DLG2: variants seen among roughly 807,000 people sequenced by gnomAD.
DLG2 encodes the protein disks large homolog 2.
DLG2 carries 45 observed loss-of-function variants against 132.5 expected under a neutral mutation model. The ratio of observed to expected loss-of-function variants is 0.34; its 90% CI spans 0.27 to 0.44. The LOEUF (loss-of-function observed/expected upper bound fraction) is 0.44, where lower values mean the gene tolerates loss of function less well. Among genes scored for constraint, DLG2 ranks in the 20% least tolerant of loss-of-function variants. DLG2 has a pLI of 1.00. For missense variants in DLG2, 1,045 were observed against 1,196.9 expected (o/e 0.87, Z 1.87); for synonymous variants, 424 against 419.6 (o/e 1.01, Z -0.13).
intron 16 of DLG2, among the ~76,000 whole-genome samples, chr11:83,873,785 T>C (rs2063962034): frequency 6.6e-6 from 1 of 152,128 alleles, no homozygotes; most frequent in African/African-American, 2.4e-5. Context: ...TATGCTTCAG[T>C]CCTCAGCTCA....
intron 3 of DLG2, among the ~76,000 whole-genome samples, chr11:85,462,424 G>A (rs991826439): frequency 3.9e-5 from 6 of 152,160 alleles, no homozygotes; most frequent in African/African-American, 1.4e-4. Context: ...ATGATAGACT[G>A]GATTAAGACA....
intron 6 of DLG2, among the ~76,000 whole-genome samples, chr11:84,996,858 C>G (rs901477256): frequency 6.6e-5 from 10 of 152,114 alleles, no homozygotes; most frequent in African/African-American, 2.4e-4. Context: ...TACATCAGAG[C>G]GTCTTGCAGC....
intron 10 of DLG2, among the ~76,000 whole-genome samples, chr11:84,097,593 G>A (rs532718105): frequency 6.6e-6 from 1 of 152,162 alleles, no homozygotes; most frequent in South Asian, 2.1e-4. Context: ...CTTCCTTACA[G>A]TCATTAACAA....
At chr11:83,483,186 C>T (rs988728217) in intron 22 of DLG2, 1 of 1,431,802 alleles carries the variant, frequency 7.0e-7, no homozygotes, top group Non-Finnish European at 9.8e-7. Flanking sequence ...GGAAAAGGAA[C>T]AAAAGCCAAA....
Position 83,906,232 on chromosome 11 carries a change from G to GTCTCTCTCTCTCTC in DLG2, c.1496+24082_1496+24095dup, listed in dbSNP as rs144862801. 4.7e-4 allele frequency among the ~76,000 whole-genome samples: 34 copies of GTCTCTCTCTCTCTC among 71,670 alleles called. 1 individual carries two copies. Among genetic ancestry groups the GTCTCTCTCTCTCTC allele is most frequent in the East Asian group, 2.2e-3 (6 of 2,734 alleles). The allele number at this position is 71,670 out of a possible 152,430, so 47.0% of individuals were successfully genotyped here. A position where few individuals can be genotyped will look rare whatever the true frequency, so the allele number is the denominator to read the frequency against. ...TAACTGGAAGATTGCTATAGTAGAT[G>GTCTCTCTCTCTCTC]TCTCTCTCTCTCTCTCTCTCTCTCT... On this transcript the variant is annotated intron_variant, in intron 15 of 27. Coordinates refer to ENST00000376104, the MANE Select transcript of DLG2 (RefSeq NM_001142699.3).
chr11:83,938,404 A>C (rs1336966917), intron 14 of DLG2, among the ~76,000 whole-genome samples: 1 of 152,142 alleles, frequency 6.6e-6, no homozygotes, highest in African/African-American at 2.4e-5. Context: ...AAAGGGGTGA[A>C]AGAGGGCTTT....
intron 6 of DLG2, among the ~76,000 whole-genome samples, chr11:85,033,853 T>C (rs1164299117): frequency 6.6e-6 from 1 of 152,238 alleles, no homozygotes; most frequent in African/African-American, 2.4e-5. Flanking sequence ...TGGAATATTA[T>C]GATCTATTTT....
chr11:85,591,862 C>A (rs1432797260), intron 3 of DLG2, among the ~76,000 whole-genome samples: 1 of 152,174 alleles, frequency 6.6e-6, no homozygotes, highest in African/African-American at 2.4e-5. Context: ...ATGCTTGTCT[C>A]CCCAGTGTGT....
intron 3 of DLG2, among the ~76,000 whole-genome samples, chr11:85,588,866 T>C (rs1372067149): frequency 6.6e-6 from 1 of 152,160 alleles, no homozygotes; most frequent in African/African-American, 2.4e-5. Context: ...GGGTGGTCCC[T>C]TGATGTGGTA....
intron 8 of DLG2, 126 bp downstream of exon 8, chr11:84,251,112 C>G: frequency 3.7e-6 from 2 of 534,406 alleles, no homozygotes; most frequent in Admixed American, 8.5e-5. Flanking sequence ...AGAAAATTTA[C>G]AAAACTACAT....
At chr11:84,607,134 C>T (rs745624894) in intron 6 of DLG2, among the ~76,000 whole-genome samples, 2 of 151,900 alleles carry the variant, frequency 1.3e-5, no homozygotes, top group Admixed American at 6.6e-5. Flanking sequence ...TCAGATGAGC[C>T]CTTTTCAATG....
At position 85,539,013 on chromosome 11, in the gene DLG2, T is replaced by TA. The variant is rs559079064; in HGVS notation, c.40+59643dup. On this transcript the variant is annotated intron_variant, in intron 3 of 27. Coordinates refer to ENST00000376104, the MANE Select transcript of DLG2 (RefSeq NM_001142699.3). The stretch of plus-strand genomic sequence containing the variant: ...AACTCAAAATTAAATTACATTTTTT[T>TA]AAAAAAACACCTTCTCAGATCCACC... Among the ~76,000 whole-genome samples the TA allele has an allele frequency of 1.6e-3, 236 of 151,844 alleles. 2 individuals carry two copies. Among genetic ancestry groups the TA allele is most frequent in the Non-Finnish European group, 2.9e-3 (196 of 67,998 alleles).
intron 3 of DLG2, among the ~76,000 whole-genome samples, chr11:85,492,211 A>G (rs2093576313): frequency 6.6e-6 from 1 of 152,212 alleles, no homozygotes; most frequent in Admixed American, 6.5e-5. Context: ...AACAATATGT[A>G]CACAATAAAT....
At chr11:84,849,818 A>G (rs1199439333) in intron 6 of DLG2, among the ~76,000 whole-genome samples, 1 of 152,132 alleles carries the variant, frequency 6.6e-6, no homozygotes, top group East Asian at 1.9e-4. Context: ...GACCTATGAC[A>G]TTATCTATCT....
At chr11:84,216,002 A>C (rs2096831245) in intron 8 of DLG2, among the ~76,000 whole-genome samples, 1 of 152,190 alleles carries the variant, frequency 6.6e-6, no homozygotes, top group South Asian at 2.1e-4. Flanking sequence ...GTGGCTTAAA[A>C]AATAGCCATT....
intron 9 of DLG2, among the ~76,000 whole-genome samples, chr11:84,146,910 G>C (rs2095106423): frequency 6.6e-6 from 1 of 151,998 alleles, no homozygotes; most frequent in African/African-American, 2.4e-5. Context: ...CCAGTCTCTA[G>C]CTTTCTCTGC....
chr11:84,745,698 C>T (rs2065274194), intron 6 of DLG2, among the ~76,000 whole-genome samples: 1 of 152,094 alleles, frequency 6.6e-6, no homozygotes, highest in Non-Finnish European at 1.5e-5. Flanking sequence ...AAAATATAAA[C>T]AGCAGCGATA....
intron 11 of DLG2, among the ~76,000 whole-genome samples, chr11:83,996,565 C>A (rs977563900): frequency 1.3e-5 from 2 of 152,152 alleles, no homozygotes; most frequent in Admixed American, 6.5e-5. Context: ...TTGAAGCAAC[C>A]TAAGTGTCGA....
Position 85,582,660 on chromosome 11 carries a change from C to CAAA in DLG2, c.40+15994_40+15996dup, listed in dbSNP as rs59452629. 6.1e-3 allele frequency among the ~76,000 whole-genome samples: 165 copies of CAAA among 27,136 alleles called. 55 individuals carry two copies. The highest frequency in any genetic ancestry group is 8.2e-3 in the South Asian group (3 of 364). 17.8% of individuals were successfully genotyped at this position (27,136 alleles called of 152,430 possible). A position where few individuals can be genotyped will look rare whatever the true frequency, so the allele number is the denominator to read the frequency against. On this transcript the variant is annotated intron_variant, in intron 3 of 27. Transcript: ENST00000376104. ...GCAACATGGTGAAACCCCATCTCTA[C>CAAA]AAAAAAAAAAAAAAAAAAAAAAAAA...
Sources: gnomAD v4.1 joint callset for allele counts (sites outside exome capture counted in the v4.1 genomes callset) on GRCh38, gnomAD v4.1.1 for gene constraint, MANE v1.5 for transcripts, NCBI Gene and HGNC (gene_info 2026-07-23, HGNC 2026-07-21) for gene names.